ABL2: variants seen among roughly 807,000 people sequenced by gnomAD.
ABL2 encodes the protein ABL proto-oncogene 2, non-receptor tyrosine kinase, also known as tyrosine-protein kinase ABL2.
Under a neutral mutation model 107.7 loss-of-function variants are expected in ABL2, and 49 were observed. That is an observed-to-expected ratio of 0.45 (90% CI 0.36 to 0.58). ABL2 has a LOEUF of 0.58. Ranked by LOEUF, ABL2 falls within the 20% of genes least tolerant of loss-of-function variation. The probability of loss-of-function intolerance (pLI) is 0.00; values close to 1 mark genes in which losing one functional copy is unlikely to be tolerated. For missense variants in ABL2, 1,245 were observed against 1,457.0 expected (o/e 0.85, Z 2.37); for synonymous variants, 549 against 548.6 (o/e 1.00, Z -0.01).
rs1387203940 is a variant in ABL2 at position 179,099,358 on chromosome 1, T to G, written c.*8360A>C. ...GCCAATAAAATATTGCAACCTTTAT[T>G]TAAAACAGAACACAACTTGGCAAAC... On this transcript the variant is annotated 3_prime_UTR_variant, in exon 12 of 12. Transcript: ENST00000502732. 2.0e-5 allele frequency: 4 copies of G among 198,728 alleles called. No individual in the cohort carries two copies. The highest frequency in any genetic ancestry group is 3.1e-5 in the Non-Finnish European group (3 of 96,254). The allele number at this position is 198,728 out of a possible 1,614,324, so 12.3% of individuals were successfully genotyped here. A position where few individuals can be genotyped will look rare whatever the true frequency, so the allele number is the denominator to read the frequency against.
At chr1:179,176,134 T>A (rs77702316) in intron 1 of ABL2, among the ~76,000 whole-genome samples, 1 of 151,808 alleles carries the variant, frequency 6.6e-6, no homozygotes, top group African/African-American at 2.4e-5. Context: ...GGATTACAAG[T>A]GTGAGACACC....
At chr1:179,128,160 G>C (rs2816166) in intron 3 of ABL2, among the ~76,000 whole-genome samples, 74,755 of 151,638 alleles carry the variant, frequency 0.49, 18,592 homozygotes, top group Admixed American at 0.54. Flanking sequence ...GAATAACTTT[G>C]TATCAGACAC....
At chr1:179,170,356 C>CA (rs1659647822) in intron 1 of ABL2, among the ~76,000 whole-genome samples, 1 of 152,086 alleles carries the variant, frequency 6.6e-6, no homozygotes, top group African/African-American at 2.4e-5. Context: ...GGGACATAAT[C>CA]AAACTATGGC....
chr1:179,206,402 A>G (rs1319198190), intron 1 of ABL2, among the ~76,000 whole-genome samples: 1 of 152,124 alleles, frequency 6.6e-6, no homozygotes, highest in African/African-American at 2.4e-5. Context: ...AAAATGACAC[A>G]TATTAGGGTT....
At position 179,108,818 on chromosome 1, in the gene ABL2, A is replaced by G. The variant is rs1019847389; in HGVS notation, c.2449T>C (p.Ser817Pro). Reference sequence around the variant, plus strand: ...TTCTCTTCTGGCTGAGAAGAGGTGGACACTGTCCTTTCCAGCTGGAGTTTG... The same window carrying G: ...TTCTCTTCTGGCTGAGAAGAGGTGGGCACTGTCCTTTCCAGCTGGAGTTTG... ...RSKLQLERTV[S>P]TSSQPEENVD... Residue 817 changes from serine to proline, a missense_variant, in exon 12 of 12, where the codon TCC (serine) becomes CCC (proline). Around this residue, in one of 3 missense-constraint regions of ABL2, gnomAD observed 761 missense variants for 766.4 expected, o/e 0.99. Coordinates refer to ENST00000502732, the MANE Select transcript of ABL2 (RefSeq NM_007314.4). 128 of 1,614,016 alleles carry G rather than the reference A, an allele frequency of 7.9e-5. No homozygotes were observed. The highest frequency in any genetic ancestry group is 1.1e-4 in the Non-Finnish European group (128 of 1,180,030).
intron 1 of ABL2, among the ~76,000 whole-genome samples, chr1:179,207,448 C>T (rs188887650): frequency 7.2e-5 from 11 of 152,230 alleles, no homozygotes; most frequent in Admixed American, 6.5e-4. Flanking sequence ...TTCTCTCAGC[C>T]TTAACATTTT....
chr1:179,188,512 A>C (rs1192029563), intron 1 of ABL2, among the ~76,000 whole-genome samples: 1 of 151,990 alleles, frequency 6.6e-6, no homozygotes, highest in Admixed American at 6.6e-5. Flanking sequence ...ACACCACCAC[A>C]CTCCAGCCTG....
chr1:179,168,543 T>C (rs989939680), intron 1 of ABL2, among the ~76,000 whole-genome samples: 17 of 152,362 alleles, frequency 1.1e-4, no homozygotes, highest in South Asian at 2.1e-4. Context: ...TTTTTAAAAC[T>C]TGTAGTGAAA....
chr1:179,135,004 T>C (rs1349986570), intron 1 of ABL2, among the ~76,000 whole-genome samples: 8 of 152,254 alleles, frequency 5.3e-5, no homozygotes, highest in Non-Finnish European at 7.3e-5. Context: ...GGTGCCGGGA[T>C]TGCAGACGGA....
At chr1:179,166,091 C>G (rs1478756315) in intron 1 of ABL2, among the ~76,000 whole-genome samples, 1 of 152,168 alleles carries the variant, frequency 6.6e-6, no homozygotes, top group Non-Finnish European at 1.5e-5. Flanking sequence ...GCCACCACAC[C>G]TGGCCCAGAT....
Position 179,101,145 on chromosome 1 carries a change from ACAAGT to A in ABL2, c.*6568_*6572del, listed in dbSNP as rs1557894827. Reference sequence around the variant, plus strand: ...TAATCATGCAAAATCAACCCAGCTGACAAGTCTTTTCCTCTCTGAGACTCATGAAA... The same window carrying A: ...TAATCATGCAAAATCAACCCAGCTGACTTTTCCTCTCTGAGACTCATGAAA... On this transcript the variant is annotated 3_prime_UTR_variant, in exon 12 of 12. Coordinates refer to ENST00000502732, the MANE Select transcript of ABL2 (RefSeq NM_007314.4). The A allele has an allele frequency of 4.4e-6, 1 of 229,670 alleles. No individual in the cohort carries two copies. Among genetic ancestry groups the A allele is most frequent in the African/African-American group, 2.2e-5 (1 of 45,104 alleles). 14.2% of individuals were successfully genotyped at this position (229,670 alleles called of 1,614,324 possible).
At chr1:179,198,645 A>G (rs1260793116) in intron 1 of ABL2, among the ~76,000 whole-genome samples, 48 of 130,202 alleles carry the variant, frequency 3.7e-4, no homozygotes, top group Non-Finnish European at 1.1e-4. Flanking sequence ...GTGAGCCGAG[A>G]TCACGCCACT....
At chr1:179,134,917 A>C (rs1656717572) in intron 1 of ABL2, among the ~76,000 whole-genome samples, 1 of 152,184 alleles carries the variant, frequency 6.6e-6, no homozygotes, top group African/African-American at 2.4e-5. Context: ...TTTTTGGTGG[A>C]GACGGGGTTT....
At chr1:179,135,812 C>T (rs1656877975) in intron 1 of ABL2, among the ~76,000 whole-genome samples, 1 of 146,794 alleles carries the variant, frequency 6.8e-6, no homozygotes, top group African/African-American at 2.5e-5. Flanking sequence ...GCCGCCCCGT[C>T]CGGGAGGGAG....
At chr1:179,213,281 C>T (rs2124831889) in intron 1 of ABL2, among the ~76,000 whole-genome samples, 1 of 151,702 alleles carries the variant, frequency 6.6e-6, no homozygotes, top group South Asian at 2.1e-4. Context: ...TCTCAATTAG[C>T]TTATTTGTAT....
chr1:179,175,847 CTT>C (rs777854254), intron 1 of ABL2, among the ~76,000 whole-genome samples: 7 of 132,168 alleles, frequency 5.3e-5, no homozygotes, highest in South Asian at 2.4e-4. Context: ...ACACATTCTT[CTT>C]TTTTTTTTTT....
At position 179,103,715 on chromosome 1, in the gene ABL2, C is replaced by T. The variant is rs1034500715; in HGVS notation, c.*4003G>A. ...ATGTGCTTTAGAAAGTGTGCAGCAC[C>T]ACACAGGCTGATTGTCGGTCTGAGC... On this transcript the variant is annotated 3_prime_UTR_variant, in exon 12 of 12. Coordinates refer to ENST00000502732, the MANE Select transcript of ABL2 (RefSeq NM_007314.4). 1.3e-5 allele frequency: 3 copies of T among 227,838 alleles called. No individual in the cohort carries two copies. The highest frequency in any genetic ancestry group is 6.7e-5 in the African/African-American group (3 of 45,040). 14.1% of individuals were successfully genotyped at this position (227,838 alleles called of 1,614,324 possible). A position where few individuals can be genotyped will look rare whatever the true frequency, so the allele number is the denominator to read the frequency against.
chr1:179,146,660 C>T (rs1289189355), intron 1 of ABL2, among the ~76,000 whole-genome samples: 1 of 152,080 alleles, frequency 6.6e-6, no homozygotes, highest in African/African-American at 2.4e-5. Context: ...CATTTTCCCC[C>T]ATGCTGTTCT....
intron 11 of ABL2, among the ~76,000 whole-genome samples, 186 bp downstream of exon 11, chr1:179,110,095 AC>A (rs1317856349): frequency 6.6e-6 from 1 of 152,226 alleles, no homozygotes; most frequent in Non-Finnish European, 1.5e-5. Context: ...ACCCAGGGGT[AC>A]GGAGATGAAA....
Sources: gnomAD v4.1 joint callset for allele counts (sites outside exome capture counted in the v4.1 genomes callset) on GRCh38, gnomAD v4.1.1 for gene constraint, gnomAD v4.1.1 regional missense constraint, MANE v1.5 for transcripts, NCBI Gene and HGNC (gene_info 2026-07-23, HGNC 2026-07-21) for gene names.